The following SARDH variants were observed in gnomAD, a reference collection of about 807,000 sequenced individuals.
The protein encoded by SARDH is sarcosine dehydrogenase, mitochondrial.
Under a neutral mutation model 109.1 loss-of-function variants are expected in SARDH, and 95 were observed. The ratio of observed to expected loss-of-function variants is 0.87; its 90% confidence interval spans 0.74 to 1.03. The LOEUF (loss-of-function observed/expected upper bound fraction) is 1.03, where lower values mean the gene tolerates loss of function less well. Ranked by LOEUF, SARDH falls within the 50% of genes least tolerant of loss-of-function variation. SARDH has a pLI of 0.00. For missense variants in SARDH, 1,267 were observed against 1,287.8 expected, an observed-to-expected ratio of 0.98 and a Z score of 0.25; for synonymous variants, 572 against 534.8, an observed-to-expected ratio of 1.07 and a Z score of -0.96.
At chr9:133,729,511 G>A (rs114169335) in intron 6 of SARDH, among the ~76,000 whole-genome samples, 434 of 152,290 alleles carry the variant, frequency 2.8e-3, no homozygotes, top group African/African-American at 0.01. Flanking sequence ...TGTGTTCTGG[G>A]CATCAAAGAG....
At chr9:133,723,093 T>C (rs1446850200) in intron 6 of SARDH, among the ~76,000 whole-genome samples, 2 of 152,190 alleles carry the variant, frequency 1.3e-5, no homozygotes, top group Non-Finnish European at 2.9e-5. Flanking sequence ...GCAAAACTTG[T>C]ACTCTAAAAA....
At position 133,670,704 on chromosome 9, in the gene SARDH, T is replaced by A; in HGVS notation, c.2375A>T (p.Glu792Val). 6.2e-7 allele frequency: 1 copy of A among 1,605,344 alleles called. No homozygotes were observed. The highest frequency in any genetic ancestry group is 8.5e-7 in the Non-Finnish European group (1 of 1,176,844). Reference sequence around the variant, plus strand: ...CTTGCAGGTGAAGGCCAGGCCTGCCTCCAGGGGGCTGTCGTCTGGCCGCAG... The same window carrying A: ...CTTGCAGGTGAAGGCCAGGCCTGCCACCAGGGGGCTGTCGTCTGGCCGCAG... ...ADLRPDDSPL[E>V]AGLAFTCKLK... The change falls in exon 19 of 21, where the codon GAG (glutamate) becomes GTG (valine). Residue 792 changes from glutamate to valine, a missense_variant. By Grantham distance (121) the Glu-to-Val change is moderately radical. Coordinates refer to ENST00000439388, the MANE Select transcript of SARDH (RefSeq NM_001134707.2).
At chr9:133,715,428 G>A (rs528349677) in intron 8 of SARDH, among the ~76,000 whole-genome samples, 2 of 152,178 alleles carry the variant, frequency 1.3e-5, no homozygotes, top group African/African-American at 4.8e-5. Context: ...AAGCTGCGGG[G>A]TGGGGGCAGT....
rs1232435533 is a variant in SARDH at position 133,709,097 on chromosome 9, C to G, written c.1329-669G>C. Among the ~76,000 whole-genome samples, 1 of 152,182 alleles carries G rather than the reference C, an allele frequency of 6.6e-6. No individual in the cohort carries two copies. The highest frequency in any genetic ancestry group is 2.4e-5 in the African/African-American group (1 of 41,432). ...GGGGAGCGGCTGCCCAATCCAGCGC[C>G]TGGGACCGGAGATGATGTGGCTGCA... On this transcript the variant is annotated intron_variant, in intron 10 of 20. Transcript: ENST00000439388. This position sits in a 1 kb window ranked among gnomAD's most constrained non-coding sequence, Gnocchi z 4.2.
At chr9:133,678,089 A>G (rs1830579296) in intron 17 of SARDH, among the ~76,000 whole-genome samples, 1 of 152,172 alleles carries the variant, frequency 6.6e-6, no homozygotes, top group Non-Finnish European at 1.5e-5. Context: ...CAAGGATGAG[A>G]GGACCCCCCA....
In SARDH at chr9:133,705,624, A is replaced by G. The variant is rs1405371375; in HGVS notation, c.1471-593T>C. ...TCCTGAGAACCCCCAGCTACAGAAT[A>G]GCACCTGCCCCATCTGCCCTGGCCC... On this transcript the variant is annotated intron_variant, in intron 11 of 20. Coordinates refer to ENST00000439388, the MANE Select transcript of SARDH (RefSeq NM_001134707.2). Among the ~76,000 whole-genome samples the G allele has an allele frequency of 4.0e-5, 6 of 151,010 alleles. No individual in the cohort carries two copies. The East Asian group carries it at 1.2e-3, about 30-fold the overall frequency.
chr9:133,698,087 C>T (rs1831354801), intron 13 of SARDH, among the ~76,000 whole-genome samples: 1 of 146,060 alleles, frequency 6.8e-6, no homozygotes, highest in South Asian at 2.2e-4. Context: ...GATACAAGGT[C>T]AATATATAAA....
chr9:133,735,601 C>A (rs1456203771), intron 1 of SARDH, among the ~76,000 whole-genome samples: 1 of 152,222 alleles, frequency 6.6e-6, no homozygotes, highest in Non-Finnish European at 1.5e-5. Context: ...TGTAACTGAG[C>A]TCGTGTTAAC....
At chr9:133,674,844 G>A (rs1188569875) in intron 17 of SARDH, among the ~76,000 whole-genome samples, 1 of 152,192 alleles carries the variant, frequency 6.6e-6, no homozygotes, top group Non-Finnish European at 1.5e-5. Context: ...GACACCAAAA[G>A]CACAGGTCAC....
intron 6 of SARDH, among the ~76,000 whole-genome samples, chr9:133,723,091 T>C (rs566987744): frequency 8.7e-4 from 132 of 152,200 alleles, no homozygotes; most frequent in Non-Finnish European, 1.5e-3. Flanking sequence ...TTGCAAAACT[T>C]GTACTCTAAA....
chr9:133,696,052 C>T (rs1831275360), intron 14 of SARDH, among the ~76,000 whole-genome samples, 171 bp downstream of exon 14: 1 of 111,718 alleles, frequency 9.0e-6, no homozygotes, highest in Admixed American at 1.0e-4. Flanking sequence ...GGCCTGGGGC[C>T]TGGGATGGGG....
At chr9:133,706,871 G>A (rs990755011) in intron 11 of SARDH, among the ~76,000 whole-genome samples, 16 of 152,054 alleles carry the variant, frequency 1.1e-4, no homozygotes, top group African/African-American at 3.1e-4. Context: ...CACCCCCGAG[G>A]CCCCAAGAAG....
chr9:133,677,482 T>G (rs926236583), intron 17 of SARDH, among the ~76,000 whole-genome samples: 4 of 152,090 alleles, frequency 2.6e-5, no homozygotes, highest in Middle Eastern at 3.4e-3. Flanking sequence ...AAGACCAAGG[T>G]GAGGGGAACT....
chr9:133,723,490 T>C (rs1832392658), intron 6 of SARDH, among the ~76,000 whole-genome samples: 1 of 152,192 alleles, frequency 6.6e-6, no homozygotes, highest in African/African-American at 2.4e-5. Flanking sequence ...CTGCCAGGCA[T>C]GGTGGCTCAC....
rs1476712375 is a variant in SARDH at position 133,718,312 on chromosome 9, TC to T, written c.1020+625del. The T allele has an allele frequency of 5.7e-6, 1 of 174,146 alleles. No homozygotes were observed. Among genetic ancestry groups the T allele is most frequent in the East Asian group, 1.5e-4 (1 of 6,866 alleles). 10.8% of individuals were successfully genotyped at this position (174,146 alleles called of 1,614,324 possible). A position where few individuals can be genotyped will look rare whatever the true frequency, so the allele number is the denominator to read the frequency against. On this transcript the variant is annotated intron_variant, in intron 7 of 20. Coordinates refer to ENST00000439388, the MANE Select transcript of SARDH (RefSeq NM_001134707.2). This position sits in a 1 kb window ranked among gnomAD's most constrained non-coding sequence, Gnocchi z 4.2. ...GCCTCAAATTCCTGACCTCAGGTGG[TC>T]CGCCCACCTCAGCCTCCCAAAGTGC...
chr9:133,671,203 G>C (rs1830334921), intron 18 of SARDH, among the ~76,000 whole-genome samples: 1 of 152,134 alleles, frequency 6.6e-6, no homozygotes, highest in Admixed American at 6.5e-5. Flanking sequence ...ACAGCTCTCA[G>C]AGAAACCAAG....
chr9:133,720,704 A>G (rs914782862), intron 6 of SARDH, among the ~76,000 whole-genome samples: 1 of 152,196 alleles, frequency 6.6e-6, no homozygotes, highest in Admixed American at 6.5e-5. Context: ...ATCTCCTGAG[A>G]CTTATTCCCT....
At position 133,717,386 on chromosome 9, in the gene SARDH, C is replaced by A. The variant is rs775453942; in HGVS notation, c.1090G>T (p.Ala364Ser). 5 of 1,614,012 alleles carry A rather than the reference C, an allele frequency of 3.1e-6. No homozygotes were observed. In the African/African-American group the frequency reaches 6.7e-5, roughly 22 times the overall value. The change falls in exon 8 of 21, where the codon GCC (alanine) becomes TCC (serine). Residue 364 changes from alanine (A) to serine (S), a missense_variant. By Grantham distance (99) the Ala-to-Ser change is moderately conservative. Coordinates refer to ENST00000439388, the MANE Select transcript of SARDH (RefSeq NM_001134707.2). ...TCCAGCACGGGGACCCTGTTGATGG[C>A]GCCTTCAATGTGCTGGGTGAACACC... is the stretch of plus-strand genomic sequence containing the variant. ...WEVFTQHIEGAINRVPVLEKT... is the reference protein window; with the variant it reads ...WEVFTQHIEGSINRVPVLEKT...
chr9:133,730,287 A>T lies in SARDH; in HGVS notation c.691-100T>A, dbSNP rs373852543. The T allele has an allele frequency of 3.9e-5, 57 of 1,476,044 alleles. No homozygotes were observed. The African/African-American group carries it at 7.1e-4, about 18-fold the overall frequency. 91.4% of individuals were successfully genotyped at this position (1,476,044 alleles called of 1,614,324 possible). ...CCCTCCTCCCAGAGGGGAGCTGGGG[A>T]CACTATTTCTGCCAGCAGCAGGTCC... is the stretch of plus-strand genomic sequence containing the variant. On this transcript the variant is annotated intron_variant, in intron 4 of 20. Coordinates refer to ENST00000439388, the MANE Select transcript of SARDH (RefSeq NM_001134707.2).
Sources: gnomAD v4.1 joint callset for allele counts (sites outside exome capture counted in the v4.1 genomes callset) on GRCh38, gnomAD v4.1.1 for gene constraint, Gnocchi (gnomAD v3.1) non-coding constraint, MANE v1.5 for transcripts, NCBI Gene and HGNC (gene_info 2026-07-23, HGNC 2026-07-21) for gene names.